Variants in DUSP13B observed in about 807,000 individuals in gnomAD.
DUSP13B encodes dual specificity phosphatase 13B.
At chr10:75,094,873 C>T in the DUSP13B span, 56 of 1,613,856 alleles carry the variant, frequency 3.5e-5, no homozygotes, top group Non-Finnish European at 4.2e-5. Context: ...TGTACCAGCA[C>T]GCGGCCTGTA....
At chr10:75,109,086 C>T in the DUSP13B span, 1 of 1,612,384 alleles carries the variant, frequency 6.2e-7, no homozygotes, top group Non-Finnish European at 8.5e-7. Context: ...GGAGCTCCTC[C>T]AGCTCCAGGA....
the DUSP13B span, chr10:75,109,013 C>G: frequency 1.2e-6 from 2 of 1,604,768 alleles, no homozygotes; most frequent in South Asian, 2.2e-5. Context: ...ACTCACGCAT[C>G]TCCTATGAAA....
chr10:75,108,157 G>T, the DUSP13B span: 3 of 1,612,722 alleles, frequency 1.9e-6, no homozygotes, highest in Non-Finnish European at 2.5e-6. Context: ...GCGGCGTTCA[G>T]CACGTGGGTG....
At chr10:75,101,633 A>G in the DUSP13B span, among the ~76,000 whole-genome samples, 1 of 152,260 alleles carries the variant, frequency 6.6e-6, no homozygotes, top group Admixed American at 6.5e-5. Flanking sequence ...AGACTCAGAG[A>G]GGTTAAGCAA....
At chr10:75,102,468 A>G in the DUSP13B span, among the ~76,000 whole-genome samples, 1 of 152,162 alleles carries the variant, frequency 6.6e-6, no homozygotes, top group East Asian at 1.9e-4. Flanking sequence ...AAAAACAAAA[A>G]GAAAAAAAGA....
chr10:75,101,519 A>C, the DUSP13B span, among the ~76,000 whole-genome samples: 1 of 152,308 alleles, frequency 6.6e-6, no homozygotes, highest in Admixed American at 6.5e-5. Flanking sequence ...AGGATGTACT[A>C]TGTGCCAGAC....
At chr10:75,103,508 G>A in the DUSP13B span, among the ~76,000 whole-genome samples, 1 of 152,184 alleles carries the variant, frequency 6.6e-6, no homozygotes, top group Non-Finnish European at 1.5e-5. Context: ...GGTCTTTAAG[G>A]TCTCTCCCCA....
the DUSP13B span, among the ~76,000 whole-genome samples, chr10:75,106,994 C>T: frequency 6.6e-6 from 1 of 152,196 alleles, no homozygotes; most frequent in African/African-American, 2.4e-5. Context: ...TCCCTGGGCT[C>T]CTATGCTGTA....
the DUSP13B span, chr10:75,105,656 C>A: frequency 1.3e-6 from 2 of 1,547,854 alleles, no homozygotes; most frequent in East Asian, 4.9e-5. Context: ...CCCCTGAGGC[C>A]TCACCTGGCC....
the DUSP13B span, chr10:75,103,936 C>A: frequency 2.3e-6 from 3 of 1,319,142 alleles, no homozygotes; most frequent in Non-Finnish European, 3.0e-6. Flanking sequence ...GTGTAGGCGC[C>A]AGGAGGAGCC....
the DUSP13B span, chr10:75,109,130 C>T: frequency 2.5e-6 from 4 of 1,606,168 alleles, no homozygotes; most frequent in South Asian, 1.1e-5. Flanking sequence ...TCCTCTCCCC[C>T]CAGCTCTGGG....
chr10:75,105,131 C>T, the DUSP13B span, among the ~76,000 whole-genome samples: 2 of 152,152 alleles, frequency 1.3e-5, no homozygotes, highest in African/African-American at 4.8e-5. Flanking sequence ...GAGGCCTGGC[C>T]TTAGCTCACT....
At chr10:75,108,773 G>A in the DUSP13B span, among the ~76,000 whole-genome samples, 1 of 152,070 alleles carries the variant, frequency 6.6e-6, no homozygotes, top group Non-Finnish European at 1.5e-5. Context: ...ATGTTTCCTG[G>A]AACTCCTGGG....
the DUSP13B span, among the ~76,000 whole-genome samples, chr10:75,107,103 AG>A: frequency 6.6e-6 from 1 of 152,194 alleles, no homozygotes; most frequent in African/African-American, 2.4e-5. Flanking sequence ...TGGGAGGCCG[AG>A]GCAGACAGAT....
At chr10:75,100,626 A>G in the DUSP13B span, among the ~76,000 whole-genome samples, 1 of 150,870 alleles carries the variant, frequency 6.6e-6, no homozygotes, top group Non-Finnish European at 1.5e-5. Flanking sequence ...CTCCCCTCCC[A>G]CTCCCTGCAG....
chr10:75,105,225 T>C, the DUSP13B span, among the ~76,000 whole-genome samples: 71 of 152,218 alleles, frequency 4.7e-4, no homozygotes, highest in Middle Eastern at 3.4e-3. Flanking sequence ...ATGTGGAGGT[T>C]CAGGAGGGTC....
At chr10:75,097,845 T>C in the DUSP13B span, 3 of 1,612,324 alleles carry the variant, frequency 1.9e-6, no homozygotes, top group South Asian at 3.3e-5. Context: ...GCCCCATGGA[T>C]CTTGGGCCTC....
the DUSP13B span, chr10:75,102,089 C>T: frequency 3.6e-6 from 2 of 557,444 alleles, no homozygotes; most frequent in African/African-American, 1.9e-5. Context: ...AGGCACCTTT[C>T]CCTCCAGGCC....
At chr10:75,103,994 A>G in the DUSP13B span, 1 of 1,354,116 alleles carries the variant, frequency 7.4e-7, no homozygotes, top group Non-Finnish European at 9.8e-7. Flanking sequence ...GGCTTCCACC[A>G]TCTTCTGTGT....
Sources: gnomAD v4.1 joint callset for allele counts (sites outside exome capture counted in the v4.1 genomes callset) on GRCh38, gnomAD v4.1.1 for gene constraint, MANE v1.5 for transcripts, NCBI Gene and HGNC (gene_info 2026-07-23, HGNC 2026-07-21) for gene names.